The following FLYWCH1 variants were observed in gnomAD, a reference collection of about 807,000 sequenced individuals.
The protein encoded by FLYWCH1 is FLYWCH-type zinc finger 1.
FLYWCH1 carries 75 observed loss-of-function variants against 66.4 expected under a neutral mutation model. That is an observed-to-expected ratio of 1.13 (90% confidence interval 0.94 to 1.37). The LOEUF (loss-of-function observed/expected upper bound fraction) is 1.37, where lower values mean the gene tolerates loss of function less well. FLYWCH1 is among the 40% of genes most tolerant of loss of function. The probability of loss-of-function intolerance (pLI) is 0.00; values close to 1 mark genes in which losing one functional copy is unlikely to be tolerated. For missense variants in FLYWCH1, 1,334 were observed against 1,001.8 expected, an observed-to-expected ratio of 1.33 and a Z score of -4.48; for synonymous variants, 595 against 429.9, an observed-to-expected ratio of 1.38 and a Z score of -4.75.
At chr16:2,927,268 A>T (rs892836615) in intron 2 of FLYWCH1, among the ~76,000 whole-genome samples, 1 of 152,180 alleles carries the variant, frequency 6.6e-6, no homozygotes, top group Admixed American at 6.5e-5. Context: ...GCGATCATTG[A>T]TGAAGCTAGA....
chr16:2,933,129 G>T lies in FLYWCH1; in HGVS notation c.797-1G>T. 6.2e-7 allele frequency: 1 copy of T among 1,611,858 alleles called. No individual in the cohort carries two copies. Among genetic ancestry groups the T allele is most frequent in the Non-Finnish European group, 8.5e-7 (1 of 1,178,882 alleles). On this transcript the variant is annotated splice_acceptor_variant, in intron 4 of 9. Coordinates refer to ENST00000253928, the MANE Select transcript of FLYWCH1 (RefSeq NM_001308068.2). LOFTEE classifies it high-confidence loss of function. ...TGTGACCACTTGGGTCTCTCCTCTA[G>T]GACAGGCCCGGCCCCTCGAGTTCCT...
intron 2 of FLYWCH1, among the ~76,000 whole-genome samples, chr16:2,921,771 G>A (rs1270758867): frequency 6.6e-6 from 1 of 151,792 alleles, no homozygotes; most frequent in Non-Finnish European, 1.5e-5. Context: ...AAAATAAAAG[G>A]TATTCATTCT....
At chr16:2,934,106 A>G in intron 6 of FLYWCH1, 127 bp downstream of exon 6, 1 of 1,203,236 alleles carries the variant, frequency 8.3e-7, no homozygotes, top group South Asian at 1.6e-5. Flanking sequence ...TCCTAGAAGG[A>G]ACTATGGCCC....
rs997898844 is a variant in FLYWCH1, at chr16:2,934,116, C to G, written c.1513+137C>G. ...GAACATCCTAGAAGGAACTATGGCC[C>G]TGGCCTCCTACTCCTTGGCCCCCCT... On this transcript the variant is annotated intron_variant, in intron 6 of 9. Coordinates refer to ENST00000253928, the MANE Select transcript of FLYWCH1 (RefSeq NM_001308068.2). 7 of 1,139,306 alleles carry G rather than the reference C, an allele frequency of 6.1e-6. No individual in the cohort carries two copies. The East Asian group carries it at 1.6e-4, about 25-fold the overall frequency. The allele number at this position is 1,139,306 out of a possible 1,614,324, so 70.6% of individuals were successfully genotyped here.
At chr16:2,944,411 A>AG (rs2071396422) in intron 9 of FLYWCH1, among the ~76,000 whole-genome samples, 1 of 149,148 alleles carries the variant, frequency 6.7e-6, no homozygotes, top group Non-Finnish European at 1.5e-5. Context: ...AAAAAAAAAA[A>AG]GATCACATAC....
chr16:2,943,470 G>A (rs746731859), intron 9 of FLYWCH1: 4 of 151,570 alleles, frequency 2.6e-5, no homozygotes, highest in Non-Finnish European at 5.9e-5. Context: ...CAAGCCTAGT[G>A]TGTGATGGGG....
At chr16:2,919,890 C>T (rs1185472897) in intron 2 of FLYWCH1, among the ~76,000 whole-genome samples, 1 of 152,126 alleles carries the variant, frequency 6.6e-6, no homozygotes, top group African/African-American at 2.4e-5. Context: ...TAAATTTGCG[C>T]TTCCCCCGTG....
rs1486166882 is a variant in FLYWCH1, at chr16:2,948,906, A to G, written c.*179A>G. 1 of 603,114 alleles carries G rather than the reference A, an allele frequency of 1.7e-6. No homozygotes were observed. The highest frequency in any genetic ancestry group is 3.0e-6 in the Non-Finnish European group (1 of 338,374). The allele number at this position is 603,114 out of a possible 1,614,324, so 37.4% of individuals were successfully genotyped here. A position where few individuals can be genotyped will look rare whatever the true frequency, so the allele number is the denominator to read the frequency against. On this transcript the variant is annotated 3_prime_UTR_variant, in exon 10 of 10. Transcript: ENST00000253928. Reference sequence around the variant, plus strand: ...GGAGGAATTCTTGGATGGTGTCCTCATGTCGGCGGAGAACAGTGCTCAGAG... The same window carrying G: ...GGAGGAATTCTTGGATGGTGTCCTCGTGTCGGCGGAGAACAGTGCTCAGAG...
chr16:2,934,272 C>T (rs1205492422), intron 6 of FLYWCH1, among the ~76,000 whole-genome samples: 1 of 152,236 alleles, frequency 6.6e-6, no homozygotes, highest in East Asian at 1.9e-4. Flanking sequence ...CTTAAGAGTT[C>T]ATAGTAGTAA....
chr16:2,931,042 C>A lies in FLYWCH1; in HGVS notation c.796+162C>A, dbSNP rs538902350. Among the ~76,000 whole-genome samples, 6 of 152,176 alleles carry A rather than the reference C, an allele frequency of 3.9e-5. No individual in the cohort carries two copies. In the East Asian group the frequency reaches 1.2e-3, roughly 29 times the overall value. ...AAATGTGGCCGGGCACAGTGGCTCA[C>A]GCCTATAATCCCAGCACTTTGGGAG... On this transcript the variant is annotated intron_variant, in intron 4 of 9. Coordinates refer to ENST00000253928, the MANE Select transcript of FLYWCH1 (RefSeq NM_001308068.2).
At chr16:2,919,925 G>A (rs2070310589) in intron 2 of FLYWCH1, among the ~76,000 whole-genome samples, 1 of 152,034 alleles carries the variant, frequency 6.6e-6, no homozygotes, top group Non-Finnish European at 1.5e-5. Flanking sequence ...CTTATGTAAT[G>A]GTCCTTTGGA....
intron 1 of FLYWCH1, among the ~76,000 whole-genome samples, chr16:2,913,438 G>T (rs2070059153): frequency 6.6e-6 from 1 of 152,138 alleles, no homozygotes; most frequent in Non-Finnish European, 1.5e-5. Flanking sequence ...CTCCCTTTCT[G>T]TGCGCTCTAA....
At chr16:2,916,051 A>G (rs2070156827) in intron 2 of FLYWCH1, among the ~76,000 whole-genome samples, 1 of 152,024 alleles carries the variant, frequency 6.6e-6, no homozygotes, top group Non-Finnish European at 1.5e-5. Flanking sequence ...AGACTTTTTA[A>G]AGTCTGTTGT....
In FLYWCH1 at chr16:2,949,588, C is replaced by G. The variant is rs2071617009; in HGVS notation, c.*861C>G. On this transcript the variant is annotated 3_prime_UTR_variant, in exon 10 of 10. Transcript: ENST00000253928. ...GGAGCAGTCCGGAGAGGCAAGATGA[C>G]CCCACCGGGACTGCAGAGCCTCCTC... The G allele has an allele frequency of 6.6e-6, 1 of 152,166 alleles. No individual in the cohort carries two copies. The highest frequency in any genetic ancestry group is 1.5e-5 in the Non-Finnish European group (1 of 68,060). The allele number at this position is 152,166 out of a possible 1,614,324, so 9.4% of individuals were successfully genotyped here.
chr16:2,923,436 G>A (rs954597835), intron 2 of FLYWCH1, among the ~76,000 whole-genome samples: 60 of 152,118 alleles, frequency 3.9e-4, no homozygotes, highest in Admixed American at 2.1e-3. Flanking sequence ...TAGTAGAGAC[G>A]GGCTTGCCTA....
intron 9 of FLYWCH1, among the ~76,000 whole-genome samples, chr16:2,945,430 G>A (rs1454234266): frequency 1.4e-5 from 2 of 146,992 alleles, no homozygotes; most frequent in Non-Finnish European, 3.0e-5. Flanking sequence ...AGGTTGCAGT[G>A]AGCCGACATT....
chr16:2,926,360 G>C lies in FLYWCH1; in HGVS notation c.-73-3253G>C, dbSNP rs558322722. Among the ~76,000 whole-genome samples, 3 of 152,310 alleles carry C rather than the reference G, an allele frequency of 2.0e-5. No individual in the cohort carries two copies. The South Asian group carries it at 6.2e-4, about 32-fold the overall frequency. On this transcript the variant is annotated intron_variant, in intron 2 of 9. Coordinates refer to ENST00000253928, the MANE Select transcript of FLYWCH1 (RefSeq NM_001308068.2). ...CCATTATTAAAGCAGCTTTAGAACC[G>C]TTTCAAACAGGAGAAGATAGCGTTT...
chr16:2,928,114 CAG>C (rs2070636495), intron 2 of FLYWCH1, among the ~76,000 whole-genome samples: 1 of 152,240 alleles, frequency 6.6e-6, no homozygotes. Flanking sequence ...CAAAGAGTAA[CAG>C]AGCAGTATTG....
intron 2 of FLYWCH1, among the ~76,000 whole-genome samples, chr16:2,927,408 AAAG>A (rs2070609123): frequency 2.6e-5 from 4 of 152,210 alleles, no homozygotes; most frequent in African/African-American, 9.6e-5. Context: ...GAAAATGTTA[AAAG>A]ACATGAAGGA....
Sources: allele counts gnomAD v4.1 joint callset (sites outside exome capture counted in the v4.1 genomes callset), GRCh38; gene constraint gnomAD v4.1.1; transcripts MANE v1.5; gene names NCBI Gene and HGNC (gene_info 2026-07-23, HGNC 2026-07-21).